Variants in SGCZ observed in about 807,000 individuals in gnomAD.
SGCZ encodes zeta-sarcoglycan.
In SGCZ, 40 loss-of-function variants were observed where a neutral mutation model predicts 41.3. The observed-to-expected ratio is 0.97, with a 90% confidence interval of 0.75 to 1.26. The LOEUF (loss-of-function observed/expected upper bound fraction) is 1.26. Among genes scored for constraint, SGCZ ranks in the 50% most tolerant of loss-of-function variants. The pLI is 0.00. For missense variants in SGCZ, 552 were observed against 369.8 expected, an observed-to-expected ratio of 1.49 and a Z score of -4.04; for synonymous variants, 206 against 137.5, an observed-to-expected ratio of 1.50 and a Z score of -3.49.
At chr8:14,635,872 T>G (rs535193757) in intron 1 of SGCZ, among the ~76,000 whole-genome samples, 3 of 151,966 alleles carry the variant, frequency 2.0e-5, no homozygotes, top group African/African-American at 7.2e-5. Flanking sequence ...TTACAGAATT[T>G]ACATTTTACT....
intron 1 of SGCZ, among the ~76,000 whole-genome samples, chr8:14,735,188 T>C (rs906567564): frequency 6.6e-6 from 1 of 152,170 alleles, no homozygotes; most frequent in East Asian, 1.9e-4. Context: ...TATTTTGTGA[T>C]GGTCAATATT....
At chr8:14,463,876 G>T in intron 2 of SGCZ, among the ~76,000 whole-genome samples, 1 of 150,146 alleles carries the variant, frequency 6.7e-6, no homozygotes, top group African/African-American at 2.5e-5. Context: ...CAGTTGAGAT[G>T]ATCATGTGTT....
intron 1 of SGCZ, among the ~76,000 whole-genome samples, chr8:14,563,878 T>C (rs1585083234): frequency 6.6e-6 from 1 of 152,162 alleles, no homozygotes; most frequent in Non-Finnish European, 1.5e-5. Flanking sequence ...ATAATTGATA[T>C]AATTTTTTAA....
rs548491298 is a variant in SGCZ, at chr8:14,554,210, C to T, written c.234+522G>A. Among the ~76,000 whole-genome samples, 2 of 152,132 alleles carry T rather than the reference C, an allele frequency of 1.3e-5. 1 individual carries two copies. Among genetic ancestry groups the T allele is most frequent in the Non-Finnish European group, 2.9e-5 (2 of 67,988 alleles). On this transcript the variant is annotated intron_variant, in intron 2 of 7. Coordinates refer to ENST00000382080, the MANE Select transcript of SGCZ (RefSeq NM_139167.4). ...TGCTATGAAAGAATGGGATCACCAT[C>T]TGATGGCAATTATAGGCATTAGTCA... is the stretch of plus-strand genomic sequence containing the variant.
intron 1 of SGCZ, among the ~76,000 whole-genome samples, chr8:14,607,488 C>T (rs79107335): frequency 0.052 from 7,962 of 152,226 alleles, 274 homozygotes; most frequent in Admixed American, 0.096. Flanking sequence ...TTCAAACAGA[C>T]ATCATTTCCC....
chr8:14,416,285 G>A (rs908584676), intron 2 of SGCZ, among the ~76,000 whole-genome samples: 1 of 152,032 alleles, frequency 6.6e-6, no homozygotes, highest in Admixed American at 6.6e-5. Flanking sequence ...ACAGATGAAT[G>A]TAATAAGACC....
intron 1 of SGCZ, among the ~76,000 whole-genome samples, chr8:14,627,163 ATTAT>A (rs1290122537): frequency 6.6e-6 from 1 of 152,202 alleles, no homozygotes; most frequent in Non-Finnish European, 1.5e-5. Context: ...TTCTTTGAAA[ATTAT>A]TTATTTGGAA....
At chr8:14,322,808 A>G (rs565564227) in intron 3 of SGCZ, among the ~76,000 whole-genome samples, 1 of 152,170 alleles carries the variant, frequency 6.6e-6, no homozygotes, top group Non-Finnish European at 1.5e-5. Context: ...ATTATTTAAT[A>G]GTGCCAAACA....
chr8:14,588,842 G>C (rs908075632), intron 1 of SGCZ, among the ~76,000 whole-genome samples: 5 of 152,030 alleles, frequency 3.3e-5, no homozygotes, highest in African/African-American at 4.8e-5. Context: ...TACCCTCTGG[G>C]ATTTGGTACA....
chr8:15,017,087 C>A (rs1198565072), intron 1 of SGCZ, among the ~76,000 whole-genome samples: 2 of 152,086 alleles, frequency 1.3e-5, no homozygotes, highest in African/African-American at 4.8e-5. Context: ...AACATCCAAA[C>A]CATATCAAAT....
At chr8:14,655,090 G>C (rs1308397145) in intron 1 of SGCZ, among the ~76,000 whole-genome samples, 2 of 151,968 alleles carry the variant, frequency 1.3e-5, no homozygotes, top group African/African-American at 4.8e-5. Flanking sequence ...TGTAAATATT[G>C]TACATTATGA....
chr8:15,195,405 G>T (rs983403691), intron 1 of SGCZ, among the ~76,000 whole-genome samples: 4 of 152,168 alleles, frequency 2.6e-5, no homozygotes, highest in Non-Finnish European at 5.9e-5. Flanking sequence ...TGCTGGCTCT[G>T]TTGATGCAGG....
At chr8:14,852,924 T>A (rs548688416) in intron 1 of SGCZ, among the ~76,000 whole-genome samples, 10 of 152,320 alleles carry the variant, frequency 6.6e-5, no homozygotes, top group South Asian at 6.2e-4. Flanking sequence ...TTACTATTTC[T>A]ATGGGGCTTT....
At chr8:14,138,182 A>G (rs1315864258) in intron 5 of SGCZ, among the ~76,000 whole-genome samples, 1 of 152,218 alleles carries the variant, frequency 6.6e-6, no homozygotes, top group East Asian at 1.9e-4. Context: ...TGAAGGAAGC[A>G]CTCAACATGG....
In SGCZ at chr8:14,086,654, A is replaced by G. The variant is rs369029982; in HGVS notation, c.*3789T>C. 2.1e-4 allele frequency among the ~76,000 whole-genome samples: 32 copies of G among 151,778 alleles called. No homozygotes were observed. In the South Asian group the frequency reaches 6.6e-3, roughly 31 times the overall value. On this transcript the variant is annotated 3_prime_UTR_variant, in exon 8 of 8. Coordinates refer to ENST00000382080, the MANE Select transcript of SGCZ (RefSeq NM_139167.4). ...TCCAAATGCATTATTTTCCTTTTTAACGTCAACCATATTACTGAATCCTGT... is the reference window on the plus strand; with the variant it reads ...TCCAAATGCATTATTTTCCTTTTTAGCGTCAACCATATTACTGAATCCTGT...
intron 1 of SGCZ, among the ~76,000 whole-genome samples, chr8:14,723,312 C>T (rs1043406607): frequency 1.3e-5 from 2 of 152,210 alleles, no homozygotes; most frequent in Non-Finnish European, 2.9e-5. Context: ...AACACCAGGG[C>T]TTGTTCCTGG....
At chr8:15,065,631 G>T (rs1328283233) in intron 1 of SGCZ, among the ~76,000 whole-genome samples, 1 of 151,708 alleles carries the variant, frequency 6.6e-6, no homozygotes, top group Non-Finnish European at 1.5e-5. Flanking sequence ...TAGAGACAGG[G>T]TTTTGCCATT....
At chr8:14,166,656 G>C (rs1804220692) in intron 4 of SGCZ, among the ~76,000 whole-genome samples, 1 of 151,980 alleles carries the variant, frequency 6.6e-6, no homozygotes, top group South Asian at 2.1e-4. Flanking sequence ...ATGTACATTA[G>C]ACAACATTAA....
At chr8:14,367,133 C>T (rs142203031) in intron 2 of SGCZ, among the ~76,000 whole-genome samples, 59 of 152,210 alleles carry the variant, frequency 3.9e-4, no homozygotes, top group African/African-American at 1.2e-3. Context: ...TTCTCATGTT[C>T]GAAGTTCCAC....
Sources: allele counts gnomAD v4.1 joint callset (sites outside exome capture counted in the v4.1 genomes callset), GRCh38; gene constraint gnomAD v4.1.1; transcripts MANE v1.5; gene names NCBI Gene and HGNC (gene_info 2026-07-23, HGNC 2026-07-21).